ATP9A: variants seen among roughly 807,000 people sequenced by gnomAD.
ATP9A encodes the protein ATPase phospholipid transporting 9A, also known as probable phospholipid-transporting ATPase IIA.
Under a neutral mutation model 144.1 loss-of-function variants are expected in ATP9A, and 52 were observed. The ratio of observed to expected loss-of-function variants is 0.36; its 90% confidence interval spans 0.29 to 0.45. ATP9A has a LOEUF of 0.45. Among genes scored for constraint, ATP9A ranks in the 20% least tolerant of loss-of-function variants. The pLI, the probability that ATP9A is intolerant of heterozygous loss-of-function variation, is 1.00. For missense variants in ATP9A, 947 were observed against 1,392.7 expected, an observed-to-expected ratio of 0.68 and a Z score of 5.09; for synonymous variants, 582 against 557.4, an observed-to-expected ratio of 1.04 and a Z score of -0.62.
chr20:51,643,213 A>T (rs1384085135), intron 14 of ATP9A, among the ~76,000 whole-genome samples: 1 of 152,228 alleles, frequency 6.6e-6, no homozygotes. Context: ...GCTTTGACCA[A>T]TGGAAGAAAC....
chr20:51,664,021 TCCCA>T (rs1174800744), intron 13 of ATP9A, among the ~76,000 whole-genome samples: 1 of 152,014 alleles, frequency 6.6e-6, no homozygotes, highest in East Asian at 1.9e-4. Flanking sequence ...TGTGGAATAA[TCCCA>T]ATTATGGTTT....
intron 26 of ATP9A, among the ~76,000 whole-genome samples, chr20:51,607,196 A>C (rs1324781207): frequency 6.6e-6 from 1 of 152,220 alleles, no homozygotes; most frequent in Non-Finnish European, 1.5e-5. Flanking sequence ...TTTTTCCAAA[A>C]CTACGACTTG....
chr20:51,680,864 C>T (rs1460919095), intron 9 of ATP9A, among the ~76,000 whole-genome samples: 1 of 152,110 alleles, frequency 6.6e-6, no homozygotes, highest in Non-Finnish European at 1.5e-5. Context: ...CCCAGCTGCT[C>T]ATACTGACTC....
chr20:51,609,299 G>C (rs967828375), intron 24 of ATP9A, among the ~76,000 whole-genome samples: 1 of 152,170 alleles, frequency 6.6e-6, no homozygotes, highest in Non-Finnish European at 1.5e-5. Context: ...CGCTTTTCCA[G>C]TTAGAAGCAG....
intron 27 of ATP9A, 57 bp downstream of exon 27, chr20:51,604,758 ACC>A: frequency 7.3e-7 from 1 of 1,378,830 alleles, no homozygotes; most frequent in Non-Finnish European, 9.5e-7. Flanking sequence ...CGGCAGTGAG[ACC>A]TCTGGGCCAG....
chr20:51,673,809 GGA>G (rs2077466165), intron 11 of ATP9A, among the ~76,000 whole-genome samples: 1 of 152,064 alleles, frequency 6.6e-6, no homozygotes, highest in African/African-American at 2.4e-5. Flanking sequence ...CAGTACCTTG[GGA>G]GGCTGAGTCA....
chr20:51,758,402 C>G (rs964689065), intron 1 of ATP9A, among the ~76,000 whole-genome samples: 3 of 152,204 alleles, frequency 2.0e-5, no homozygotes, highest in African/African-American at 7.2e-5. Context: ...TAAAATACAG[C>G]CAGCCCTTAT....
intron 2 of ATP9A, among the ~76,000 whole-genome samples, chr20:51,727,930 CA>C (rs11286785): frequency 0.89 from 119,343 of 134,114 alleles, 53,305 homozygotes; most frequent in East Asian, 0.96. Flanking sequence ...GACTCAGTCT[CA>C]AAAAAAAAAA....
intron 19 of ATP9A, among the ~76,000 whole-genome samples, chr20:51,619,874 A>AG (rs1392060976): frequency 6.6e-6 from 1 of 151,618 alleles, no homozygotes; most frequent in East Asian, 1.9e-4. Context: ...TGTCTCAAAA[A>AG]AAAAAAAAAA....
intron 1 of ATP9A, among the ~76,000 whole-genome samples, chr20:51,740,168 C>G (rs2077778782): frequency 1.3e-5 from 2 of 151,716 alleles, no homozygotes; most frequent in South Asian, 4.2e-4. Context: ...GCAATCCTCC[C>G]ACCTCAGCCT....
At chr20:51,613,332 A>T (rs1178723468) in intron 23 of ATP9A, among the ~76,000 whole-genome samples, 1 of 152,236 alleles carries the variant, frequency 6.6e-6, no homozygotes, top group African/African-American at 2.4e-5. Context: ...CAATTAAAAT[A>T]ACTCATGTAC....
intron 10 of ATP9A, 101 bp downstream of exon 10, chr20:51,676,031 A>T: frequency 1.2e-6 from 1 of 838,584 alleles, no homozygotes; most frequent in Non-Finnish European, 2.0e-6. Flanking sequence ...ATGTCTGTAT[A>T]AATATCACTC....
chr20:51,690,306 G>A (rs2077542604), intron 8 of ATP9A, among the ~76,000 whole-genome samples: 1 of 151,758 alleles, frequency 6.6e-6, no homozygotes, highest in African/African-American at 2.4e-5. Flanking sequence ...TGTAATCCCA[G>A]CTACTTGGGA....
intron 4 of ATP9A, among the ~76,000 whole-genome samples, chr20:51,699,628 C>T (rs2077585171): frequency 6.6e-6 from 1 of 152,020 alleles, no homozygotes; most frequent in East Asian, 1.9e-4. Context: ...GATATAAACA[C>T]TACTGACTTC....
At chr20:51,655,932 T>G (rs750834017) in intron 14 of ATP9A, among the ~76,000 whole-genome samples, 24 of 152,094 alleles carry the variant, frequency 1.6e-4, no homozygotes, top group Admixed American at 3.9e-4. Context: ...CATAAACAGA[T>G]TATTATTCAG....
chr20:51,671,090 G>C (rs374839948), intron 12 of ATP9A, 25 bp downstream of exon 12: 8 of 1,608,188 alleles, frequency 5.0e-6, no homozygotes, highest in African/African-American at 1.3e-5. Context: ...CAGGAATCCT[G>C]CGCAGGTCCC....
chr20:51,660,805 A>C lies in ATP9A; in HGVS notation c.1294-3655T>G, dbSNP rs571213472. Among the ~76,000 whole-genome samples, 49 of 152,308 alleles carry C rather than the reference A, an allele frequency of 3.2e-4. 1 individual carries two copies. The highest frequency in any genetic ancestry group is 1.5e-3 in the South Asian group (7 of 4,826). The stretch of plus-strand genomic sequence containing the variant: ...AAGAGTTTCACATTGTACAGTGTTT[A>C]TCTCTAACCTCCTCCCCATAGGCCC... On this transcript the variant is annotated intron_variant, in intron 13 of 27. Coordinates refer to ENST00000338821, the MANE Select transcript of ATP9A (RefSeq NM_006045.3).
At chr20:51,696,671 A>G (rs892667346) in intron 5 of ATP9A, among the ~76,000 whole-genome samples, 6 of 152,230 alleles carry the variant, frequency 3.9e-5, no homozygotes, top group Non-Finnish European at 7.3e-5. Flanking sequence ...AGTATGTGAT[A>G]ACATAGATGG....
At chr20:51,700,425 G>A (rs1252848900) in intron 4 of ATP9A, among the ~76,000 whole-genome samples, 1 of 152,202 alleles carries the variant, frequency 6.6e-6, no homozygotes, top group Non-Finnish European at 1.5e-5. Flanking sequence ...CGGAGACTGA[G>A]GTGGGAGGAA....
Sources: allele counts gnomAD v4.1 joint callset (sites outside exome capture counted in the v4.1 genomes callset), GRCh38; gene constraint gnomAD v4.1.1; transcripts MANE v1.5; gene names NCBI Gene and HGNC (gene_info 2026-07-23, HGNC 2026-07-21).